Variants in TUFT1 observed in about 807,000 individuals in gnomAD.
TUFT1 encodes the protein tuftelin.
TUFT1 carries 43 observed loss-of-function variants against 57.8 expected under a neutral mutation model. That is an observed-to-expected ratio of 0.74 (90% CI 0.58 to 0.96). The LOEUF (loss-of-function observed/expected upper bound fraction) is 0.96. TUFT1 is among the 40% of genes least tolerant of loss of function. The pLI is 0.00. For missense variants in TUFT1, 459 were observed against 489.0 expected (o/e 0.94, Z 0.58); for synonymous variants, 166 against 176.7 (o/e 0.94, Z 0.48).
chr1:151,581,132 A>G (rs1315178766), intron 12 of TUFT1, 90 bp downstream of exon 12: 1 of 1,224,550 alleles, frequency 8.2e-7, no homozygotes, highest in African/African-American at 1.5e-5. Context: ...TAAGGCAAGA[A>G]CAAGGCTCCT....
intron 6 of TUFT1, among the ~76,000 whole-genome samples, chr1:151,569,050 GGT>G (rs1553250971): frequency 6.6e-6 from 1 of 152,154 alleles, no homozygotes; most frequent in Non-Finnish European, 1.5e-5. Context: ...CCCACAGTTG[GGT>G]GTGTCTGGGA....
In TUFT1 at chr1:151,569,722, G is replaced by T. The variant is rs149655288; in HGVS notation, c.546G>T (p.Lys182Asn). The T allele has an allele frequency of 1.7e-5, 28 of 1,613,980 alleles. No individual in the cohort carries two copies. The African/African-American group carries it at 3.5e-4, about 20-fold the overall frequency. The change falls in exon 7 of 13, where the codon AAG becomes AAT. Residue 182 changes from lysine (K) to asparagine (N), a missense_variant. By Grantham distance (94) the Lys-to-Asn change is moderately conservative. Coordinates refer to ENST00000368849, the MANE Select transcript of TUFT1 (RefSeq NM_020127.3). ...LRKTVQDLLA[K>N]LQEAKRQHQS... ...AGACGGTGCAGGACTTGCTGGCCAA[G>T]CTTCAGGAGGCCAAGCGGCAACACC...
At chr1:151,540,680 A>G (rs1411260922) in intron 1 of TUFT1, 2 of 500,984 alleles carry the variant, frequency 4.0e-6, no homozygotes, top group East Asian at 7.1e-5. Flanking sequence ...CCTGCCTGGG[A>G]CTCGGCGCCG....
intron 1 of TUFT1, among the ~76,000 whole-genome samples, chr1:151,543,881 G>T (rs1025483899): frequency 6.6e-6 from 1 of 152,118 alleles, no homozygotes; most frequent in African/African-American, 2.4e-5. Context: ...GAAGCTGCGT[G>T]GCAAAAGAAC....
chr1:151,543,327 ATGTGTGTG>A (rs10626781), intron 1 of TUFT1, among the ~76,000 whole-genome samples: 92 of 146,850 alleles, frequency 6.3e-4, no homozygotes, highest in African/African-American at 1.6e-3. Flanking sequence ...TTATATATAT[ATGTGTGTG>A]TGTGTGTGTG....
intron 12 of TUFT1, 141 bp downstream of exon 12, chr1:151,581,183 C>A: frequency 1.3e-6 from 1 of 788,816 alleles, no homozygotes; most frequent in Non-Finnish European, 2.0e-6. Context: ...CCACTGTTTG[C>A]CGGAACCATT....
intron 1 of TUFT1, among the ~76,000 whole-genome samples, chr1:151,555,770 C>T (rs1275849202): frequency 2.8e-5 from 4 of 140,888 alleles, no homozygotes; most frequent in African/African-American, 1.1e-4. Flanking sequence ...AGGTGAGACT[C>T]CGTCTCAAAA....
intron 1 of TUFT1, among the ~76,000 whole-genome samples, chr1:151,560,851 C>G (rs1297274027): frequency 6.6e-6 from 1 of 152,172 alleles, no homozygotes; most frequent in African/African-American, 2.4e-5. Context: ...TTTACTCTGC[C>G]TTGTTAGCCT....
chr1:151,552,429 C>T (rs541098814), intron 1 of TUFT1, among the ~76,000 whole-genome samples: 2 of 152,104 alleles, frequency 1.3e-5, no homozygotes, highest in Non-Finnish European at 1.5e-5. Context: ...AAGGCCCGGG[C>T]GCGGTGGCTC....
intron 12 of TUFT1, among the ~76,000 whole-genome samples, 162 bp downstream of exon 12, chr1:151,581,204 A>G (rs1190288938): frequency 6.6e-6 from 1 of 152,160 alleles, no homozygotes; most frequent in African/African-American, 2.4e-5. Context: ...TTCTAGCCCA[A>G]TTAGAGTAGA....
intron 9 of TUFT1, among the ~76,000 whole-genome samples, chr1:151,576,316 A>C (rs941637766): frequency 2.0e-5 from 3 of 152,048 alleles, no homozygotes; most frequent in African/African-American, 7.3e-5. Context: ...CTGTTCCTCT[A>C]CTCCTAACAC....
intron 5 of TUFT1, chr1:151,564,870 T>A (rs1321802725): frequency 8.0e-5 from 24 of 299,758 alleles, no homozygotes; most frequent in Non-Finnish European, 3.7e-5. Flanking sequence ...ATTGAACTTA[T>A]ATAAATTAAA....
intron 10 of TUFT1, 52 bp from the exon 11 acceptor site, chr1:151,579,597 T>A: frequency 6.3e-7 from 1 of 1,590,434 alleles, no homozygotes; most frequent in Non-Finnish European, 8.6e-7. Flanking sequence ...GTCTGGTGAG[T>A]GTGTAATGAG....
rs765926719 is a variant in TUFT1, at chr1:151,563,973, G to A, written c.307G>A (p.Val103Ile). ...EKNINQLKSE[V>I]QYIQEARNCL... is the part of the protein sequence containing the mutation. The stretch of plus-strand genomic sequence containing the variant: ...GAATATTAACCAGCTGAAGAGTGAG[G>A]TCCAGTACATCCAGGAGGTGGGCAC... Residue 103 changes from valine (V) to isoleucine (I), a missense_variant, in exon 4 of 13, where the codon GTC becomes ATC. Coordinates refer to ENST00000368849, the MANE Select transcript of TUFT1 (RefSeq NM_020127.3). 6.2e-7 allele frequency: 1 copy of A among 1,614,104 alleles called. No homozygotes were observed. Among genetic ancestry groups the A allele is most frequent in the African/African-American group, 1.3e-5 (1 of 75,036 alleles).
At chr1:151,556,491 C>T (rs961777720) in intron 1 of TUFT1, among the ~76,000 whole-genome samples, 23 of 151,988 alleles carry the variant, frequency 1.5e-4, no homozygotes, top group Admixed American at 1.1e-3. Context: ...TAGCTACAGC[C>T]TCAACCTCCC....
intron 2 of TUFT1, 25 bp from the exon 3 acceptor site, chr1:151,562,560 C>G: frequency 3.8e-5 from 59 of 1,539,526 alleles, no homozygotes; most frequent in Non-Finnish European, 4.8e-5. Context: ...CTCTCTCTCT[C>G]TCTCTCTCAT....
chr1:151,552,307 C>G (rs1371046094), intron 1 of TUFT1, among the ~76,000 whole-genome samples: 1 of 152,152 alleles, frequency 6.6e-6, no homozygotes, highest in African/African-American at 2.4e-5. Flanking sequence ...TGTGAACTTT[C>G]TAGTATACAT....
At position 151,542,190 on chromosome 1, in the gene TUFT1, TTTTTCTTTCTTCCTTTC is replaced by T. The variant is rs1380562974; in HGVS notation, c.60+1773_60+1789del. On this transcript the variant is annotated intron_variant, in intron 1 of 12. Transcript: ENST00000368849. ...AATGAATCATTAACCTCTACTATTT[TTTTTCTTTCTTCCTTTC>T]TTTTCTTTTCTCTTTTCTTTTCTCT... 2.0e-5 allele frequency among the ~76,000 whole-genome samples: 3 copies of T among 152,092 alleles called. No homozygotes were observed. In the East Asian group the frequency reaches 5.8e-4, roughly 29 times the overall value.
intron 1 of TUFT1, among the ~76,000 whole-genome samples, chr1:151,542,390 A>T (rs946547359): frequency 4.3e-5 from 6 of 139,060 alleles, no homozygotes; most frequent in Admixed American, 1.4e-4. Flanking sequence ...CCTGACTAAA[A>T]TTTTTTTTTT....
Sources: gnomAD v4.1 joint callset for allele counts (sites outside exome capture counted in the v4.1 genomes callset) on GRCh38, gnomAD v4.1.1 for gene constraint, MANE v1.5 for transcripts, NCBI Gene and HGNC (gene_info 2026-07-23, HGNC 2026-07-21) for gene names.